Variants in NPHP1 observed in about 807,000 individuals in gnomAD.
NPHP1 encodes the protein nephrocystin 1.
Under a neutral mutation model 90.4 loss-of-function variants are expected in NPHP1, and 70 were observed. The ratio of observed to expected loss-of-function variants is 0.77; its 90% CI spans 0.64 to 0.95. NPHP1 has a LOEUF of 0.95. NPHP1 is among the 40% of genes least tolerant of loss of function. NPHP1 has a pLI of 0.00. For missense variants in NPHP1, 764 were observed against 795.9 expected (o/e 0.96, Z 0.48); for synonymous variants, 256 against 271.7 (o/e 0.94, Z 0.57).
intron 2 of NPHP1, among the ~76,000 whole-genome samples, chr2:110,192,917 G>A (rs1239772209): frequency 6.6e-6 from 1 of 152,096 alleles, no homozygotes; most frequent in African/African-American, 2.4e-5. Flanking sequence ...AGCTTCATAA[G>A]TGAAGGAGAA....
intron 2 of NPHP1, among the ~76,000 whole-genome samples, chr2:110,185,566 C>T (rs1684228075): frequency 6.6e-6 from 1 of 152,156 alleles, no homozygotes; most frequent in Non-Finnish European, 1.5e-5. Flanking sequence ...GGACTGGCCC[C>T]ACCCTCACTC....
At chr2:110,179,764 G>A (rs995895373) in intron 2 of NPHP1, 80 bp from the exon 3 acceptor site, 12 of 696,432 alleles carry the variant, frequency 1.7e-5, no homozygotes, top group African/African-American at 1.1e-4. Context: ...TCATTCAGTC[G>A]TTGAGCAGGC....
rs779393628 is a variant in NPHP1, at chr2:110,201,421, C to T, written c.143G>A (p.Arg48Lys). 1.3e-6 allele frequency: 2 copies of T among 1,595,770 alleles called. No individual in the cohort carries two copies. The highest frequency in any genetic ancestry group is 2.2e-5 in the East Asian group (1 of 44,742). ...GCTTATATAATTTAGCATACTTTAC[C>T]TTTGATAAATATGTTGTCTTTTATT... ...EPNKRQHIYQ[R>K]CIQLKQAIDE... is the part of the protein sequence containing the mutation. Residue 48 changes from arginine (R) to lysine (K), a missense_variant and splice_region_variant, in exon 2 of 20, where the codon AGA (arginine) becomes AAA (lysine). Arg to Lys is a conservative substitution (Grantham distance 26). Coordinates refer to ENST00000445609, the MANE Select transcript of NPHP1 (RefSeq NM_001128178.3).
chr2:110,160,072 G>A, intron 11 of NPHP1, 55 bp downstream of exon 11: 1 of 1,570,338 alleles, frequency 6.4e-7, no homozygotes, highest in Non-Finnish European at 8.8e-7. Flanking sequence ...AAGAATCTAA[G>A]GGAATGTTTC....
At chr2:110,136,266 A>G (rs1411534672) in intron 16 of NPHP1, among the ~76,000 whole-genome samples, 2 of 152,184 alleles carry the variant, frequency 1.3e-5, no homozygotes, top group Non-Finnish European at 2.9e-5. Flanking sequence ...CTGGCACAAG[A>G]CAGGGATGTC....
chr2:110,199,763 G>A (rs1385193869), intron 2 of NPHP1, among the ~76,000 whole-genome samples: 2 of 152,084 alleles, frequency 1.3e-5, no homozygotes, highest in African/African-American at 2.4e-5. Flanking sequence ...TGGAATTAAC[G>A]AAATAATCTT....
At chr2:110,195,176 G>A (rs1336520982) in intron 2 of NPHP1, among the ~76,000 whole-genome samples, 3 of 151,926 alleles carry the variant, frequency 2.0e-5, no homozygotes, top group Non-Finnish European at 4.4e-5. Flanking sequence ...GGCAGGAGAA[G>A]GAAATAAAGG....
intron 12 of NPHP1, 50 bp from the exon 13 acceptor site, chr2:110,148,076 G>A: frequency 8.1e-7 from 1 of 1,237,182 alleles, no homozygotes; most frequent in South Asian, 1.2e-5. Context: ...AAAATGGGAA[G>A]GGGGTTTGAT....
chr2:110,165,152 A>T lies in NPHP1; in HGVS notation c.628T>A (p.Tyr210Asn). The T allele has an allele frequency of 1.2e-6, 2 of 1,610,610 alleles. No homozygotes were observed. The highest frequency in any genetic ancestry group is 1.7e-6 in the Non-Finnish European group (2 of 1,176,960). ...TCTTGGCCTTCTTCTTCTTCACTAT[A>T]AGGCTAAAAAACCATTGAAATGTGA... is the stretch of plus-strand genomic sequence containing the variant. Reference protein sequence around the residue: ...GLVPRTYLEPYSEEEEGQESS... With the variant: ...GLVPRTYLEPNSEEEEGQESS... The change falls in exon 7 of 20, where the codon TAT (tyrosine) becomes AAT (asparagine). Residue 210 changes from tyrosine to asparagine, a missense_variant. By Grantham distance (143) the Tyr-to-Asn change is moderately radical. Transcript: ENST00000445609.
chr2:110,139,691 A>G (rs1266463796), intron 16 of NPHP1, among the ~76,000 whole-genome samples: 1 of 152,202 alleles, frequency 6.6e-6, no homozygotes, highest in Non-Finnish European at 1.5e-5. Context: ...CCTTGTCTCC[A>G]CTGTCTCATG....
rs758237157 is a variant in NPHP1 at position 110,179,700 on chromosome 2, A to G, written c.144-16T>C. On this transcript the variant is annotated splice_polypyrimidine_tract_variant and intron_variant, in intron 2 of 19. Transcript: ENST00000445609. ...CTGGATACATCTAAATTAAGAAAAA[A>G]AAGAAAATATATTGATTTTTCTATT... 2 of 1,103,034 alleles carry G rather than the reference A, an allele frequency of 1.8e-6. No homozygotes were observed. Among genetic ancestry groups the G allele is most frequent in the Admixed American group, 1.8e-5 (1 of 56,114 alleles). 68.3% of individuals were successfully genotyped at this position (1,103,034 alleles called of 1,614,324 possible).
rs373915635 is a variant in NPHP1, at chr2:110,204,926, G to T, written c.43C>A (p.Arg15Ser). The change falls in exon 1 of 20, where the codon CGC (arginine) becomes AGC (serine). Residue 15 changes from arginine (R) to serine (S), a missense_variant. Physicochemically the swap from Arg to Ser is moderately radical, Grantham distance 110 (BLOSUM62 -1). Coordinates refer to ENST00000445609, the MANE Select transcript of NPHP1 (RefSeq NM_001128178.3). ...RQRDPLQALR[R>S]RNQELKQQVD... ...TGTTGCTTCAGCTCCTGATTGCGGCGCCGCAGGGCCTGGAGAGGATCTCGC... is the reference window on the plus strand; with the variant it reads ...TGTTGCTTCAGCTCCTGATTGCGGCTCCGCAGGGCCTGGAGAGGATCTCGC... The T allele has an allele frequency of 1.6e-4, 260 of 1,614,018 alleles. 1 individual carries two copies. In the South Asian group the frequency reaches 2.7e-3, roughly 17 times the overall value.
chr2:110,151,466 T>C (rs1681467950), intron 11 of NPHP1, among the ~76,000 whole-genome samples: 1 of 152,154 alleles, frequency 6.6e-6, no homozygotes, highest in South Asian at 2.1e-4. Context: ...TGGATAATAG[T>C]TAATTTTTAT....
chr2:110,183,753 G>A (rs1684079328), intron 2 of NPHP1, among the ~76,000 whole-genome samples: 1 of 152,074 alleles, frequency 6.6e-6, no homozygotes, highest in Admixed American at 6.5e-5. Flanking sequence ...CATCCACACA[G>A]AAAATTGATA....
At chr2:110,135,281 T>A (rs1004391526) in intron 16 of NPHP1, among the ~76,000 whole-genome samples, 1 of 151,710 alleles carries the variant, frequency 6.6e-6, no homozygotes, top group Non-Finnish European at 1.5e-5. Flanking sequence ...AGTTCTTCCA[T>A]CTTGGCTAAC....
chr2:110,197,351 A>G (rs1045213799), intron 2 of NPHP1, among the ~76,000 whole-genome samples: 2 of 152,144 alleles, frequency 1.3e-5, no homozygotes, highest in Admixed American at 6.5e-5. Context: ...TCCTTTGTCA[A>G]AAGGGTAGCA....
intron 11 of NPHP1, among the ~76,000 whole-genome samples, chr2:110,153,726 A>C (rs1472282452): frequency 6.6e-6 from 1 of 152,122 alleles, no homozygotes; most frequent in East Asian, 1.9e-4. Context: ...TCACAACTGT[A>C]ATCTCAGCAC....
At chr2:110,135,522 C>T (rs928253699) in intron 16 of NPHP1, among the ~76,000 whole-genome samples, 12 of 149,678 alleles carry the variant, frequency 8.0e-5, no homozygotes. Context: ...CTTTAAGACC[C>T]TCACACATGA....
In NPHP1 at chr2:110,146,837, T is replaced by C; in HGVS notation, c.1270-2A>G. ...TAACTCTCCTCTTTCACCAGTTGAC[T>C]AGGAAATAAGACAAGTATATGAAAC... On this transcript the variant is annotated splice_acceptor_variant, in intron 13 of 19. Coordinates refer to ENST00000445609, the MANE Select transcript of NPHP1 (RefSeq NM_001128178.3). LOFTEE classifies it high-confidence loss of function. The C allele has an allele frequency of 6.2e-7, 1 of 1,609,736 alleles. No individual in the cohort carries two copies. The highest frequency in any genetic ancestry group is 8.5e-7 in the Non-Finnish European group (1 of 1,176,024).
Sources: gnomAD v4.1 joint callset for allele counts (sites outside exome capture counted in the v4.1 genomes callset) on GRCh38, gnomAD v4.1.1 for gene constraint, MANE v1.5 for transcripts, NCBI Gene and HGNC (gene_info 2026-07-23, HGNC 2026-07-21) for gene names.